EIF2B2: variants seen among roughly 807,000 people sequenced by gnomAD.
EIF2B2 encodes the protein eukaryotic translation initiation factor 2B subunit beta.
EIF2B2 carries 34 observed loss-of-function variants against 34.7 expected under a neutral mutation model. That is an observed-to-expected ratio of 0.98 (90% confidence interval 0.75 to 1.31). The LOEUF (loss-of-function observed/expected upper bound fraction) is 1.31. Ranked by LOEUF, EIF2B2 falls within the 50% of genes most tolerant of loss-of-function variation. The pLI is 0.00. For missense variants in EIF2B2, 361 were observed against 447.7 expected, an observed-to-expected ratio of 0.81 and a Z score of 1.75; for synonymous variants, 155 against 171.6, an observed-to-expected ratio of 0.90 and a Z score of 0.76.
Position 75,003,041 on chromosome 14 carries a change from C to T in EIF2B2, c.51C>T (p.Ser17=), listed in dbSNP as rs749552337. The change falls in exon 1 of 8, where the codon AGC becomes AGT. Residue 17 remains serine, a synonymous_variant. Transcript: ENST00000266126. Reference sequence around the variant, plus strand: ...CGGAGTTGTCAGAGAGGATCGAGAGCTTCGTGGAGACCCTGAAGCGGGGTG... The same window carrying T: ...CGGAGTTGTCAGAGAGGATCGAGAGTTTCGTGGAGACCCTGAAGCGGGGTG... ...KGSELSERIE[S]FVETLKRGGG... is the part of the protein sequence containing the mutation. 22 of 1,614,006 alleles carry T rather than the reference C, an allele frequency of 1.4e-5. No individual in the cohort carries two copies. Among genetic ancestry groups the T allele is most frequent in the Admixed American group, 1.7e-5 (1 of 60,008 alleles).
intron 7 of EIF2B2, 151 bp downstream of exon 7, chr14:75,007,939 T>A: frequency 1.3e-6 from 1 of 751,420 alleles, no homozygotes; most frequent in Non-Finnish European, 2.3e-6. Context: ...GGGACTGTTT[T>A]CTTTAGAAGC....
chr14:75,005,005 T>A, intron 4 of EIF2B2, 105 bp downstream of exon 4: 2 of 1,129,222 alleles, frequency 1.8e-6, no homozygotes, highest in Non-Finnish European at 2.6e-6. Flanking sequence ...AGCAAGACTT[T>A]GAGACACTGA....
Position 75,003,657 on chromosome 14 carries a change from T to TC in EIF2B2, c.393dup (p.Asn132GlnfsTer4), listed in dbSNP as rs1404235998. On this transcript the variant is annotated frameshift_variant, in exon 3 of 8. Coordinates refer to ENST00000266126, the MANE Select transcript of EIF2B2 (RefSeq NM_014239.4). LOFTEE classifies it high-confidence loss of function. ...CAGCTTCCATTATGCCCAACTCCAG[T>TC]CCAACATCATTGAGGCGATTAATGA... is the stretch of plus-strand genomic sequence containing the variant. The TC allele has an allele frequency of 6.2e-7, 1 of 1,614,130 alleles. No homozygotes were observed. Among genetic ancestry groups the TC allele is most frequent in the Admixed American group, 1.7e-5 (1 of 60,018 alleles).
rs764989690 is a variant in EIF2B2, at chr14:75,003,002, C to G, written c.12C>G (p.Ser4=). 6.2e-7 allele frequency: 1 copy of G among 1,614,114 alleles called. No individual in the cohort carries two copies. Among genetic ancestry groups the G allele is most frequent in the Admixed American group, 1.7e-5 (1 of 60,020 alleles). Residue 4 remains serine (S), a synonymous_variant, in exon 1 of 8, where the codon TCC becomes TCG. Coordinates refer to ENST00000266126, the MANE Select transcript of EIF2B2 (RefSeq NM_014239.4). ...CAGCTACCTTAAAGATGCCGGGATC[C>G]GCAGCGAAGGGCTCGGAGTTGTCAG... MPG[S]AAKGSELSER... is the part of the protein sequence containing the mutation.
Position 75,010,342 on chromosome 14 carries a change from TAC to T in EIF2B2, c.*1156_*1157del, listed in dbSNP as rs1352241340. 2 of 151,962 alleles carry T rather than the reference TAC, an allele frequency of 1.3e-5. No homozygotes were observed. Among genetic ancestry groups the T allele is most frequent in the Non-Finnish European group, 2.9e-5 (2 of 68,022 alleles). The allele number at this position is 151,962 out of a possible 1,614,324, so 9.4% of individuals were successfully genotyped here. ...TTATTTGTACAAGCAAAAAGATTTA[TAC>T]AGAGTGTTCAGTGTAGTAGTTGTAA... On this transcript the variant is annotated 3_prime_UTR_variant, in exon 8 of 8. Coordinates refer to ENST00000266126, the MANE Select transcript of EIF2B2 (RefSeq NM_014239.4).
chr14:75,003,498 C>T lies in EIF2B2; in HGVS notation c.285-53C>T, dbSNP rs1595008257. ...TATTGGAGCTGAACAGCCCTTGTTA[C>T]CTGCCTGACCACTCCTCCCCACCTC... On this transcript the variant is annotated intron_variant, in intron 2 of 7. Coordinates refer to ENST00000266126, the MANE Select transcript of EIF2B2 (RefSeq NM_014239.4). 5.6e-6 allele frequency: 9 copies of T among 1,613,958 alleles called. No homozygotes were observed. The East Asian group carries it at 1.6e-4, about 28-fold the overall frequency.
chr14:75,008,619 A>G, intron 7 of EIF2B2: 1 of 328,176 alleles, frequency 3.0e-6, no homozygotes, highest in South Asian at 2.7e-5. Flanking sequence ...ATGAGATGAC[A>G]TTTCAGCTGA....
chr14:75,007,927 T>G (rs1889651611), intron 7 of EIF2B2, 139 bp downstream of exon 7: 2 of 805,992 alleles, frequency 2.5e-6, no homozygotes, highest in Non-Finnish European at 4.1e-6. Context: ...ATACTTCTTG[T>G]GGGGACTGTT....
Position 75,003,797 on chromosome 14 carries a change from C to G in EIF2B2, c.433+98C>G. The G allele has an allele frequency of 4.6e-6, 7 of 1,536,608 alleles. No homozygotes were observed. In the South Asian group the frequency reaches 8.2e-5, roughly 18 times the overall value. On this transcript the variant is annotated intron_variant, in intron 3 of 7. Transcript: ENST00000266126. ...TTCATTAGCAGAGATGGGAGATTAG[C>G]TGTCTTCTGGTTCTCAGAGGTTTGT...
chr14:75,004,354 G>T (rs1889587574), intron 3 of EIF2B2, among the ~76,000 whole-genome samples: 1 of 152,062 alleles, frequency 6.6e-6, no homozygotes, highest in African/African-American at 2.4e-5. Context: ...GGTACTTCTG[G>T]AAGAGGGCAG....
At position 75,005,341 on chromosome 14, in the gene EIF2B2, C is replaced by T. The variant is rs1401402223; in HGVS notation, c.597+441C>T. Among the ~76,000 whole-genome samples, 5 of 151,108 alleles carry T rather than the reference C, an allele frequency of 3.3e-5. No individual in the cohort carries two copies. The East Asian group carries it at 9.7e-4, about 29-fold the overall frequency. ...GCAATGAGCCAAGATAGCGCCACTG[C>T]ACTCCAGCCTGGACGACAGAGCAAG... is the stretch of plus-strand genomic sequence containing the variant. On this transcript the variant is annotated intron_variant, in intron 4 of 7. Coordinates refer to ENST00000266126, the MANE Select transcript of EIF2B2 (RefSeq NM_014239.4).
Position 75,011,995 on chromosome 14 carries a change from TAC to T in EIF2B2, c.*2809_*2810del, listed in dbSNP as rs1889711834. The stretch of plus-strand genomic sequence containing the variant: ...AGAAGCTCTCTTTCTGGTCAGCTCT[TAC>T]AGTGCCTAGAACAGAACTGCAGGAA... On this transcript the variant is annotated 3_prime_UTR_variant, in exon 8 of 8. Coordinates refer to ENST00000266126, the MANE Select transcript of EIF2B2 (RefSeq NM_014239.4). 6.6e-6 allele frequency: 1 copy of T among 152,236 alleles called. No homozygotes were observed. The highest frequency in any genetic ancestry group is 1.5e-5 in the Non-Finnish European group (1 of 68,052). 9.4% of individuals were successfully genotyped at this position (152,236 alleles called of 1,614,324 possible). A position where few individuals can be genotyped will look rare whatever the true frequency, so the allele number is the denominator to read the frequency against.
chr14:75,009,014 G>A lies in EIF2B2; in HGVS notation c.899-17G>A. On this transcript the variant is annotated splice_polypyrimidine_tract_variant and intron_variant, in intron 7 of 7. Coordinates refer to ENST00000266126, the MANE Select transcript of EIF2B2 (RefSeq NM_014239.4). Reference sequence around the variant, plus strand: ...GGAGCCTCAGTTTTACCTTTAGCATGTGTGCTTGCCTTTCAGGGGACATTC... The same window carrying A: ...GGAGCCTCAGTTTTACCTTTAGCATATGTGCTTGCCTTTCAGGGGACATTC... The A allele has an allele frequency of 6.2e-7, 1 of 1,613,994 alleles. No homozygotes were observed. Among genetic ancestry groups the A allele is most frequent in the Non-Finnish European group, 8.5e-7 (1 of 1,179,960 alleles).
rs139079312 is a variant in EIF2B2, at chr14:75,011,711, C to G, written c.*2523C>G. ...ATTTCTTAAAGCATCTAAGACCCCA[C>G]GCTTTCTCAGTGAAGTGGCTTGTAG... On this transcript the variant is annotated 3_prime_UTR_variant, in exon 8 of 8. Coordinates refer to ENST00000266126, the MANE Select transcript of EIF2B2 (RefSeq NM_014239.4). 12 of 152,326 alleles carry G rather than the reference C, an allele frequency of 7.9e-5. No individual in the cohort carries two copies. Among genetic ancestry groups the G allele is most frequent in the African/African-American group, 2.9e-4 (12 of 41,578 alleles). The allele number at this position is 152,326 out of a possible 1,614,324, so 9.4% of individuals were successfully genotyped here. A position where few individuals can be genotyped will look rare whatever the true frequency, so the allele number is the denominator to read the frequency against.
At position 75,006,367 on chromosome 14, in the gene EIF2B2, C is replaced by T; in HGVS notation, c.694-210C>T. 1 of 671,110 alleles carries T rather than the reference C, an allele frequency of 1.5e-6. No individual in the cohort carries two copies. The highest frequency in any genetic ancestry group is 2.5e-6 in the Non-Finnish European group (1 of 402,682). The allele number at this position is 671,110 out of a possible 1,614,324, so 41.6% of individuals were successfully genotyped here. On this transcript the variant is annotated intron_variant, in intron 5 of 7. Coordinates refer to ENST00000266126, the MANE Select transcript of EIF2B2 (RefSeq NM_014239.4). The surrounding 1 kb of genome is among the most constrained non-coding windows in gnomAD (Gnocchi z 4.1). ...ATGGGACTGAGAGCAGTAGGTTTTG[C>T]AGTTTCTTGTCCCATTTTACATTCA...
At position 75,003,324 on chromosome 14, in the gene EIF2B2, T is replaced by A. The variant is rs369511014; in HGVS notation, c.213T>A (p.Ala71=). The change falls in exon 2 of 8, where the codon GCT becomes GCA. Residue 71 remains alanine (A), a synonymous_variant. Coordinates refer to ENST00000266126, the MANE Select transcript of EIF2B2 (RefSeq NM_014239.4). ...GAGAGGGCAGGAGGATGACGGCCGCTCAGCCCTCCGAGACCACCGTGGGCA... is the reference window on the plus strand; with the variant it reads ...GAGAGGGCAGGAGGATGACGGCCGCACAGCCCTCCGAGACCACCGTGGGCA... The part of the protein sequence containing the change: ...IRREGRRMTA[A]QPSETTVGNM... 4.6e-5 allele frequency: 75 copies of A among 1,613,732 alleles called. No homozygotes were observed. In the African/African-American group the frequency reaches 8.8e-4, roughly 19 times the overall value.
chr14:75,009,331 C>T lies in EIF2B2; in HGVS notation c.*143C>T. ...AAAAAATCCTTGATACTGTTGCCTG[C>T]CTTTTTAGTCACCCCGTAACAAGGG... is the stretch of plus-strand genomic sequence containing the variant. On this transcript the variant is annotated 3_prime_UTR_variant, in exon 8 of 8. Coordinates refer to ENST00000266126, the MANE Select transcript of EIF2B2 (RefSeq NM_014239.4). The T allele has an allele frequency of 1.0e-6, 1 of 964,936 alleles. No homozygotes were observed. The allele number at this position is 964,936 out of a possible 1,614,324, so 59.8% of individuals were successfully genotyped here.
At chr14:75,008,964 T>C (rs867623753) in intron 7 of EIF2B2, 67 bp from the exon 8 acceptor site, 3 of 1,607,356 alleles carry the variant, frequency 1.9e-6, no homozygotes, top group Non-Finnish European at 2.6e-6. Context: ...GCCTGGAATC[T>C]ATATGCTACT....
chr14:75,006,574 A>G lies in EIF2B2; in HGVS notation c.694-3A>G. On this transcript the variant is annotated splice_region_variant and splice_polypyrimidine_tract_variant and intron_variant, in intron 5 of 7. Coordinates refer to ENST00000266126, the MANE Select transcript of EIF2B2 (RefSeq NM_014239.4). The surrounding 1 kb of genome is among the most constrained non-coding windows in gnomAD (Gnocchi z 4.1). The stretch of plus-strand genomic sequence containing the variant: ...GGCTCACATTTTTTGTCTTGTCCCA[A>G]AGGTGATCATTGGCACGAAGACCAT... 3 of 1,613,920 alleles carry G rather than the reference A, an allele frequency of 1.9e-6. No homozygotes were observed. The highest frequency in any genetic ancestry group is 2.5e-6 in the Non-Finnish European group (3 of 1,180,016).
Sources: allele counts gnomAD v4.1 joint callset (sites outside exome capture counted in the v4.1 genomes callset), GRCh38; gene constraint gnomAD v4.1.1; non-coding constraint Gnocchi (gnomAD v3.1); transcripts MANE v1.5; gene names NCBI Gene and HGNC (gene_info 2026-07-23, HGNC 2026-07-21).